Variants in PLXNA4 observed in about 807,000 individuals in gnomAD.
PLXNA4 encodes plexin A4, also known as plexin-A4.
Under a neutral mutation model 191.8 loss-of-function variants are expected in PLXNA4, and 44 were observed. That is an observed-to-expected ratio of 0.23 (90% CI 0.18 to 0.29). The LOEUF (loss-of-function observed/expected upper bound fraction) is 0.29. Ranked by LOEUF, PLXNA4 falls within the 10% of genes least tolerant of loss-of-function variation. The pLI, the probability that PLXNA4 is intolerant of heterozygous loss-of-function variation, is 1.00. For synonymous variants in PLXNA4, 1,082 were observed against 1,009.5 expected (o/e 1.07, Z -1.36); for missense variants, 1,800 against 2,488.8 (o/e 0.72, Z 5.89).
chr7:132,292,148 A>G (rs1365000506), intron 4 of PLXNA4, among the ~76,000 whole-genome samples: 1 of 152,212 alleles, frequency 6.6e-6, no homozygotes, highest in African/African-American at 2.4e-5. Context: ...ATCTCTCTGG[A>G]TACTTCTTTA....
intron 3 of PLXNA4, among the ~76,000 whole-genome samples, chr7:132,432,280 G>A (rs186899790): frequency 1.3e-5 from 2 of 152,264 alleles, no homozygotes; most frequent in African/African-American, 4.8e-5. Flanking sequence ...TCCCGTTTAT[G>A]AGTGACCAGT....
rs996057889 is a variant in PLXNA4, at chr7:132,171,045, T to C, written c.4018-2473A>G. 2.6e-5 allele frequency among the ~76,000 whole-genome samples: 4 copies of C among 152,200 alleles called. No homozygotes were observed. The South Asian group carries it at 6.2e-4, about 24-fold the overall frequency. On this transcript the variant is annotated intron_variant, in intron 21 of 31. Coordinates refer to ENST00000321063, the MANE Select transcript of PLXNA4 (RefSeq NM_020911.2). ...GGGGCTGATGAGGGAAGGACAACTT[T>C]ACCTTGCCATCAGCCCGGGCCTCAA... is the stretch of plus-strand genomic sequence containing the variant.
intron 5 of PLXNA4, among the ~76,000 whole-genome samples, chr7:132,238,818 G>A (rs545357793): frequency 3.9e-5 from 6 of 152,132 alleles, no homozygotes; most frequent in African/African-American, 1.4e-4. Context: ...CACAAGAGGG[G>A]GGGGGGCACC....
At chr7:132,594,557 C>T (rs1463540617) in intron 2 of PLXNA4, among the ~76,000 whole-genome samples, 2 of 152,224 alleles carry the variant, frequency 1.3e-5, no homozygotes, top group African/African-American at 4.8e-5. Flanking sequence ...GTCTTGACTT[C>T]CACTTGAACT....
At chr7:132,218,898 T>C (rs1244241207) in intron 9 of PLXNA4, among the ~76,000 whole-genome samples, 1 of 152,156 alleles carries the variant, frequency 6.6e-6, no homozygotes, top group Admixed American at 6.5e-5. Flanking sequence ...TTGCCATTAA[T>C]ATAATAACAA....
chr7:132,424,902 A>T (rs1013149814), intron 3 of PLXNA4, among the ~76,000 whole-genome samples: 1 of 152,228 alleles, frequency 6.6e-6, no homozygotes, highest in Admixed American at 6.5e-5. Context: ...CCCTCCACGC[A>T]TCGTCCAGCT....
chr7:132,587,173 G>A lies in PLXNA4; in HGVS notation c.-87+58755C>T, dbSNP rs552878902. 7.2e-5 allele frequency among the ~76,000 whole-genome samples: 11 copies of A among 152,256 alleles called. No individual in the cohort carries two copies. The South Asian group carries it at 2.3e-3, about 32-fold the overall frequency. On this transcript the variant is annotated intron_variant, in intron 2 of 4. Transcript: ENST00000378539. ...ATTCAGGAGAGAGTGGCCGAGCCCA[G>A]AAGGGAATTAATTGGAAACAATCAA...
intron 3 of PLXNA4, among the ~76,000 whole-genome samples, chr7:132,343,267 T>C (rs1028084842): frequency 3.3e-5 from 5 of 152,210 alleles, no homozygotes; most frequent in African/African-American, 1.2e-4. Context: ...ACCATCTTAA[T>C]CATTTTTAAA....
intron 2 of PLXNA4, among the ~76,000 whole-genome samples, chr7:132,616,130 A>C (rs764037377): frequency 4.6e-5 from 7 of 152,068 alleles, no homozygotes; most frequent in Non-Finnish European, 7.4e-5. Context: ...CTCCAGTCCA[A>C]GGCTGCATTC....
intron 3 of PLXNA4, among the ~76,000 whole-genome samples, chr7:132,450,833 G>A (rs1441643038): frequency 2.0e-5 from 3 of 152,206 alleles, no homozygotes; most frequent in African/African-American, 7.2e-5. Flanking sequence ...ACTATGGCCT[G>A]GAGCTCCCTG....
At chr7:132,505,051 A>T (rs1272554621) in intron 2 of PLXNA4, among the ~76,000 whole-genome samples, 1 of 152,212 alleles carries the variant, frequency 6.6e-6, no homozygotes, top group African/African-American at 2.4e-5. Flanking sequence ...CCTTTTTCAG[A>T]CTGGCTGGAG....
chr7:132,526,707 A>G lies in PLXNA4; in HGVS notation c.-86-17928T>C, dbSNP rs531941372. On this transcript the variant is annotated intron_variant, in intron 1 of 31. Transcript: ENST00000321063. ...AAGGCTATGCTTGTGAGGGTTGGAC[A>G]TGGCTTCTCAAGAAGGAGGTGAACA... Among the ~76,000 whole-genome samples, 5 of 152,318 alleles carry G rather than the reference A, an allele frequency of 3.3e-5. 1 individual carries two copies. In the East Asian group the frequency reaches 7.7e-4, roughly 24 times the overall value.
intron 3 of PLXNA4, among the ~76,000 whole-genome samples, chr7:132,468,372 G>A (rs577986369): frequency 1.3e-3 from 197 of 152,030 alleles, no homozygotes; most frequent in Non-Finnish European, 2.2e-3. Context: ...TACATATGCC[G>A]TATGTATTCT....
chr7:132,360,743 TAGAG>T (rs920758223), intron 3 of PLXNA4, among the ~76,000 whole-genome samples: 5 of 152,148 alleles, frequency 3.3e-5, no homozygotes, highest in Non-Finnish European at 5.9e-5. Flanking sequence ...TGCGTGCTTG[TAGAG>T]AGAGAGACAG....
intron 2 of PLXNA4, among the ~76,000 whole-genome samples, chr7:132,635,551 T>C (rs1366294539): frequency 6.6e-6 from 1 of 152,118 alleles, no homozygotes; most frequent in African/African-American, 2.4e-5. Flanking sequence ...AAAAACAATG[T>C]GAGCTGACAT....
chr7:132,241,235 T>C (rs1798866426), intron 4 of PLXNA4, 69 bp from the exon 5 acceptor site: 2 of 1,068,020 alleles, frequency 1.9e-6, no homozygotes, highest in Non-Finnish European at 2.7e-6. Context: ...CCAGAAGAGA[T>C]GTTGCTCTAA....
At chr7:132,535,435 G>C (rs1475203621) in intron 1 of PLXNA4, among the ~76,000 whole-genome samples, 1 of 152,162 alleles carries the variant, frequency 6.6e-6, no homozygotes, top group Admixed American at 6.5e-5. Context: ...GGAACCTCAA[G>C]ACCCAGCCCT....
At chr7:132,576,763 C>T, upstream of PLXNA4, 1 of 236,644 alleles carries the variant, frequency 4.2e-6, no homozygotes, top group Non-Finnish European at 6.9e-6. This position sits in a 1 kb window ranked among gnomAD's most constrained non-coding sequence, Gnocchi z 5.8. Context: ...GCGGCGGCGG[C>T]TCTCGGGGGC....
intron 3 of PLXNA4, among the ~76,000 whole-genome samples, chr7:132,447,825 TA>T (rs55973151): frequency 0.082 from 12,226 of 149,684 alleles, 925 homozygotes; most frequent in East Asian, 0.29. Flanking sequence ...CACCTGTACT[TA>T]AAAAAAAAAA....
Sources: gnomAD v4.1 joint callset for allele counts (sites outside exome capture counted in the v4.1 genomes callset) on GRCh38, gnomAD v4.1.1 for gene constraint, Gnocchi (gnomAD v3.1) non-coding constraint, MANE v1.5 for transcripts, NCBI Gene and HGNC (gene_info 2026-07-23, HGNC 2026-07-21) for gene names.